Variants in WNK3 observed in about 807,000 individuals in gnomAD.
WNK3 encodes WNK lysine deficient protein kinase 3.
WNK3 carries 18 observed loss-of-function variants against 116.7 expected under a neutral mutation model. The observed-to-expected ratio is 0.15, with a 90% confidence interval of 0.11 to 0.23. The LOEUF (loss-of-function observed/expected upper bound fraction) is 0.23. Among genes scored for constraint, WNK3 ranks in the 10% least tolerant of loss-of-function variants. WNK3 has a pLI of 1.00. For missense variants in WNK3, 993 were observed against 1,323.8 expected, an observed-to-expected ratio of 0.75 and a Z score of 3.88; for synonymous variants, 404 against 469.4, an observed-to-expected ratio of 0.86 and a Z score of 1.80.
chrX:54,195,312 A>G (rs1366558076), exon 24 of WNK3: 1 of 111,631 alleles, frequency 9.0e-6, no homozygotes, highest in Non-Finnish European at 1.9e-5. Context: ...TTTCTCCTCT[A>G]CAAGAAGGAA....
intron 23 of WNK3, among the ~76,000 whole-genome samples, chrX:54,201,418 A>G (rs891244480): frequency 3.6e-5 from 4 of 112,045 alleles, no homozygotes; most frequent in Non-Finnish European, 7.5e-5. Context: ...ACCTCTTATA[A>G]TATTCCAGTT....
intron 17 of WNK3, among the ~76,000 whole-genome samples, chrX:54,244,659 T>C (rs2068056972): frequency 8.9e-6 from 1 of 112,167 alleles, no homozygotes; most frequent in Admixed American, 9.5e-5. Context: ...AATAAAAGGT[T>C]AAATATCTCC....
chrX:54,311,968 G>A (rs1326839693), intron 2 of WNK3, among the ~76,000 whole-genome samples: 2 of 110,709 alleles, frequency 1.8e-5, no homozygotes, highest in South Asian at 3.9e-4. Context: ...CCCATACACC[G>A]TCTCTGACCA....
chrX:54,293,239 C>G, exon 9 of WNK3: 1 of 1,210,677 alleles, frequency 8.3e-7, no homozygotes. Context: ...GAGAGCCCAT[C>G]GTTTGATTTG....
chrX:54,278,734 A>C (rs2068479298), intron 10 of WNK3, among the ~76,000 whole-genome samples: 1 of 111,867 alleles, frequency 8.9e-6, no homozygotes. Context: ...AAAACCATAT[A>C]CAAGATTAAC....
Position 54,292,877 on chromosome X carries a change from A to G in WNK3, c.2037+11T>C. The G allele has an allele frequency of 8.3e-7, 1 of 1,203,869 alleles. No homozygotes were observed. The highest frequency in any genetic ancestry group is 1.1e-6 in the Non-Finnish European group (1 of 892,489). On this transcript the variant is annotated intron_variant, in intron 10 of 23. Coordinates refer to ENST00000354646, the Ensembl canonical transcript of WNK3. ...TTTAAATGAATACAGAACCTCTAAA[A>G]TGTGTCTTACCTTTATCTGTGGGAC...
intron 10 of WNK3, among the ~76,000 whole-genome samples, chrX:54,289,096 T>C (rs1230636653): frequency 8.9e-6 from 1 of 111,979 alleles, no homozygotes; most frequent in Non-Finnish European, 1.9e-5. Context: ...ATATGCTGCC[T>C]GGTCTGGAAA....
chrX:54,239,006 C>T, exon 18 of WNK3: 2 of 1,209,356 alleles, frequency 1.7e-6, no homozygotes, highest in Non-Finnish European at 2.2e-6. Context: ...CCAAAATATC[C>T]ACCTCCTGTC....
At position 54,237,570 on chromosome X, in the gene WNK3, A is replaced by G; in HGVS notation, c.4015-19T>C. 8.7e-7 allele frequency: 1 copy of G among 1,147,665 alleles called. No individual in the cohort carries two copies. Among genetic ancestry groups the G allele is most frequent in the Non-Finnish European group, 1.1e-6 (1 of 874,955 alleles). The allele number at this position is 1,147,665 out of a possible 1,213,427, so 94.6% of individuals were successfully genotyped here. A position where few individuals can be genotyped will look rare whatever the true frequency, so the allele number is the denominator to read the frequency against. On this transcript the variant is annotated intron_variant, in intron 19 of 23. Coordinates refer to ENST00000354646, the Ensembl canonical transcript of WNK3. ...TAATCACCTGAGATATAAAAACGTAAAAGTGGTTAGCATAGCACAGACAAG... is the reference window on the plus strand; with the variant it reads ...TAATCACCTGAGATATAAAAACGTAGAAGTGGTTAGCATAGCACAGACAAG...
intron 10 of WNK3, among the ~76,000 whole-genome samples, chrX:54,284,502 G>T (rs553627153): frequency 1.8e-5 from 2 of 109,951 alleles, no homozygotes; most frequent in South Asian, 3.9e-4. Context: ...CTATTTCTAG[G>T]TATAATTCAA....
chrX:54,302,694 T>G (rs1371846514), intron 5 of WNK3, among the ~76,000 whole-genome samples: 1 of 82,928 alleles, frequency 1.2e-5, no homozygotes, highest in Non-Finnish European at 2.3e-5. Flanking sequence ...TTTCAAACAT[T>G]CCAATTCTCT....
At chrX:54,279,612 A>G (rs2068491990) in intron 10 of WNK3, among the ~76,000 whole-genome samples, 2 of 112,030 alleles carry the variant, frequency 1.8e-5, no homozygotes, top group Non-Finnish European at 3.8e-5. Flanking sequence ...TGCAGGAAAT[A>G]AATAGTTGCA....
At chrX:54,279,604 C>A (rs1166267413) in intron 10 of WNK3, among the ~76,000 whole-genome samples, 1 of 111,578 alleles carries the variant, frequency 9.0e-6, no homozygotes, top group Non-Finnish European at 1.9e-5. Flanking sequence ...TTAAAGCCTG[C>A]AGGAAATAAA....
At chrX:54,233,096 A>G (rs782277420) in intron 20 of WNK3, 76 bp from the exon 21 acceptor site, 15 of 810,537 alleles carry the variant, frequency 1.9e-5, no homozygotes, top group East Asian at 1.3e-4. Flanking sequence ...CTAAACCAGT[A>G]TAAGTAAAGT....
At chrX:54,347,026 T>G (rs1414222973) in intron 1 of WNK3, among the ~76,000 whole-genome samples, 1 of 112,215 alleles carries the variant, frequency 8.9e-6, no homozygotes, top group Admixed American at 9.5e-5. Flanking sequence ...ATATCTCTTC[T>G]ACATTCAGCA....
At chrX:54,218,570 T>TAA (rs782541452) in intron 22 of WNK3, among the ~76,000 whole-genome samples, 2 of 77,868 alleles carry the variant, frequency 2.6e-5, no homozygotes, top group Admixed American at 1.4e-4. Flanking sequence ...AAAAAAGAAT[T>TAA]AAAAAAAAAA....
chrX:54,250,145 T>C lies in WNK3; in HGVS notation c.2576-14A>G, dbSNP rs182295464. On this transcript the variant is annotated splice_polypyrimidine_tract_variant and intron_variant, in intron 15 of 23. Transcript: ENST00000354646. The stretch of plus-strand genomic sequence containing the variant: ...GAGCAGATTCATCTGCAGAAATAAT[T>C]AGCAAAAAATAATATGCTAAGCTAT... 4.3e-6 allele frequency: 5 copies of C among 1,162,602 alleles called. No individual in the cohort carries two copies. The highest frequency in any genetic ancestry group is 4.6e-6 in the Non-Finnish European group (4 of 872,747).
chrX:54,228,979 T>G (rs1214253291), intron 21 of WNK3, among the ~76,000 whole-genome samples: 1 of 111,061 alleles, frequency 9.0e-6, no homozygotes, highest in African/African-American at 3.3e-5. Flanking sequence ...ATAAAAGGCA[T>G]AAAGATTAAA....
intron 22 of WNK3, among the ~76,000 whole-genome samples, chrX:54,212,354 G>C (rs1557143984): frequency 1.8e-5 from 2 of 112,324 alleles, no homozygotes; most frequent in African/African-American, 6.4e-5. Context: ...TCCCAGGATA[G>C]AATGTATTTG....
Sources: gnomAD v4.1 joint callset for allele counts (sites outside exome capture counted in the v4.1 genomes callset) on GRCh38, gnomAD v4.1.1 for gene constraint, MANE v1.5 for transcripts, NCBI Gene and HGNC (gene_info 2026-07-23, HGNC 2026-07-21) for gene names.